ZW10: variants seen among roughly 807,000 people sequenced by gnomAD.
ZW10 encodes the protein zw10 kinetochore protein.
ZW10 carries 53 observed loss-of-function variants against 87.8 expected under a neutral mutation model. The ratio of observed to expected loss-of-function variants is 0.60; its 90% CI spans 0.48 to 0.76. The LOEUF (loss-of-function observed/expected upper bound fraction) is 0.76. Ranked by LOEUF, ZW10 falls within the 30% of genes least tolerant of loss-of-function variation. ZW10 has a pLI of 0.00. For synonymous variants in ZW10, 312 were observed against 329.2 expected, an observed-to-expected ratio of 0.95 and a Z score of 0.57; for missense variants, 837 against 923.0, an observed-to-expected ratio of 0.91 and a Z score of 1.21.
intron 7 of ZW10, 34 bp downstream of exon 7, chr11:113,757,628 C>T: frequency 7.4e-7 from 1 of 1,348,390 alleles, no homozygotes; most frequent in Non-Finnish European, 9.7e-7. Context: ...ATTTAGTTTC[C>T]AAAATATAAA....
At chr11:113,743,557 A>G (rs753433211) in intron 10 of ZW10, among the ~76,000 whole-genome samples, 3 of 152,252 alleles carry the variant, frequency 2.0e-5, no homozygotes, top group Non-Finnish European at 4.4e-5. Context: ...TTGTCCATCC[A>G]TACAAGTGCA....
intron 10 of ZW10, among the ~76,000 whole-genome samples, chr11:113,742,004 G>A (rs1182139812): frequency 3.3e-5 from 5 of 152,148 alleles, no homozygotes; most frequent in East Asian, 1.9e-4. Flanking sequence ...AAGAAGAGCC[G>A]CATTCAACCC....
intron 1 of ZW10, among the ~76,000 whole-genome samples, chr11:113,772,911 C>T (rs1186596318): frequency 1.3e-5 from 2 of 151,648 alleles, no homozygotes; most frequent in Non-Finnish European, 2.9e-5. Flanking sequence ...CGCTTGAACC[C>T]GGGAGGCAGA....
chr11:113,762,383 G>A lies in ZW10; in HGVS notation c.241-1465C>T, dbSNP rs562216920. On this transcript the variant is annotated intron_variant, in intron 2 of 15. Coordinates refer to ENST00000200135, the MANE Select transcript of ZW10 (RefSeq NM_004724.4). ...GGGTGAGTGGTGAGTGAATGTGAAG[G>A]CCTAGGACATTAGTGTACTCTACAG... Among the ~76,000 whole-genome samples, 6 of 152,202 alleles carry A rather than the reference G, an allele frequency of 3.9e-5. No individual in the cohort carries two copies. In the East Asian group the frequency reaches 1.2e-3, roughly 29 times the overall value.
intron 15 of ZW10, among the ~76,000 whole-genome samples, chr11:113,735,493 A>G (rs542935088): frequency 1.3e-5 from 2 of 152,110 alleles, no homozygotes; most frequent in South Asian, 4.2e-4. Flanking sequence ...TAATATTTGC[A>G]GCAAACAACT....
intron 5 of ZW10, among the ~76,000 whole-genome samples, chr11:113,759,515 G>T (rs1295676293): frequency 1.3e-5 from 2 of 152,130 alleles, no homozygotes; most frequent in Non-Finnish European, 2.9e-5. Context: ...TCAAAATCCA[G>T]TGTTGGAAAA....
At chr11:113,763,522 G>A (rs1953883450) in intron 2 of ZW10, among the ~76,000 whole-genome samples, 1 of 152,126 alleles carries the variant, frequency 6.6e-6, no homozygotes. Context: ...ATCCTCTCCA[G>A]CATCTATTGT....
In ZW10 at chr11:113,760,329, A is replaced by T; in HGVS notation, c.460T>A (p.Phe154Ile). ...AGAGATTTCAATATTTTTAAATCAA[A>T]GCATTTTCTGGATTTTAATAACTTC... ...CLKLLKSRKC[F>I]DLKILKSLSM... The change falls in exon 5 of 16, where the codon TTT (phenylalanine) becomes ATT (isoleucine). Residue 154 changes from phenylalanine (F) to isoleucine (I), a missense_variant. Physicochemically the swap from Phe to Ile is conservative, Grantham distance 21. Coordinates refer to ENST00000200135, the MANE Select transcript of ZW10 (RefSeq NM_004724.4). The T allele has an allele frequency of 6.2e-7, 1 of 1,614,068 alleles. No individual in the cohort carries two copies. The highest frequency in any genetic ancestry group is 8.5e-7 in the Non-Finnish European group (1 of 1,180,006).
intron 2 of ZW10, among the ~76,000 whole-genome samples, chr11:113,761,283 C>CT (rs1183364150): frequency 9.2e-5 from 14 of 151,998 alleles, no homozygotes; most frequent in Non-Finnish European, 1.9e-4. Context: ...TTAGGAATTT[C>CT]TTTTTTTTAA....
intron 1 of ZW10, chr11:113,771,795 G>A (rs555469988): frequency 6.6e-6 from 1 of 152,212 alleles, no homozygotes; most frequent in East Asian, 1.9e-4. Context: ...AGCCTCCAGA[G>A]TAGCTGGGGA....
intron 11 of ZW10, among the ~76,000 whole-genome samples, chr11:113,739,986 C>T (rs1321533743): frequency 7.9e-5 from 12 of 152,150 alleles, no homozygotes; most frequent in African/African-American, 1.2e-4. Context: ...TTCTTCTACA[C>T]GTATTAGTCT....
rs117158440 is a variant in ZW10 at position 113,759,904 on chromosome 11, G to A, written c.580+305C>T. Among the ~76,000 whole-genome samples, 15 of 152,252 alleles carry A rather than the reference G, an allele frequency of 9.9e-5. No homozygotes were observed. In the East Asian group the frequency reaches 2.9e-3, roughly 29 times the overall value. ...TACAAGGCAATGGAAACTTAATGTG[G>A]TCGCAAATTGCTATCATCTCCTCTA... On this transcript the variant is annotated intron_variant, in intron 5 of 15. Transcript: ENST00000200135.
chr11:113,769,478 A>T (rs1272065741), intron 1 of ZW10, among the ~76,000 whole-genome samples: 1 of 152,230 alleles, frequency 6.6e-6, no homozygotes, highest in African/African-American at 2.4e-5. Context: ...TTATGGCCTG[A>T]TCTTAAAACC....
chr11:113,772,089 TG>T (rs1953973439), intron 1 of ZW10, among the ~76,000 whole-genome samples: 1 of 151,502 alleles, frequency 6.6e-6, no homozygotes, highest in Non-Finnish European at 1.5e-5. Context: ...ACTTGAAAAA[TG>T]GGTTTGAAAA....
rs1395676783 is a variant in ZW10, at chr11:113,733,814, C to T, written c.2220G>A (p.Arg740=). The part of the protein sequence containing the change: ...LQASLQEIGD[R]WADGKGPLAA... ...CCAGGGGTCCTTTTCCATCTGCCCA[C>T]CTGCAAAACGAAAGATAGAGTTCCA... Residue 740 remains arginine, a splice_region_variant and synonymous_variant, in exon 16 of 16, where the codon CGG becomes CGA. Transcript: ENST00000200135. The T allele has an allele frequency of 6.3e-7, 1 of 1,595,514 alleles. No homozygotes were observed. The highest frequency in any genetic ancestry group is 8.5e-7 in the Non-Finnish European group (1 of 1,170,940).
chr11:113,769,237 G>A (rs1322441547), intron 1 of ZW10, among the ~76,000 whole-genome samples: 7 of 149,586 alleles, frequency 4.7e-5, no homozygotes, highest in African/African-American at 7.4e-5. Context: ...ATTACTGGTC[G>A]ATTAAAAAAT....
chr11:113,763,749 C>A (rs934971203), intron 2 of ZW10, among the ~76,000 whole-genome samples: 4 of 152,116 alleles, frequency 2.6e-5, no homozygotes, highest in Non-Finnish European at 5.9e-5. Flanking sequence ...CTTGTAAATT[C>A]TGGATATTAG....
Position 113,748,422 on chromosome 11 carries a change from T to A in ZW10, c.926-2A>T. On this transcript the variant is annotated splice_acceptor_variant, in intron 7 of 15. Transcript: ENST00000200135. LOFTEE classifies it high-confidence loss of function. ...CCAGGTCAGTGTCAAGTGGCAAATC[T>A]GAATTTTTTAAAAAAAGAAGTTTTA... The A allele has an allele frequency of 1.3e-6, 2 of 1,575,772 alleles. No individual in the cohort carries two copies. Among genetic ancestry groups the A allele is most frequent in the Non-Finnish European group, 1.7e-6 (2 of 1,167,080 alleles).
intron 11 of ZW10, among the ~76,000 whole-genome samples, 192 bp from the exon 12 acceptor site, chr11:113,739,574 A>C (rs1223785267): frequency 6.6e-6 from 1 of 152,204 alleles, no homozygotes; most frequent in Non-Finnish European, 1.5e-5. Flanking sequence ...ATGGGATTTT[A>C]TCCTATAAAA....
Sources: allele counts gnomAD v4.1 joint callset (sites outside exome capture counted in the v4.1 genomes callset), GRCh38; gene constraint gnomAD v4.1.1; transcripts MANE v1.5; gene names NCBI Gene and HGNC (gene_info 2026-07-23, HGNC 2026-07-21).